Variants in NCKAP5 observed in about 807,000 individuals in gnomAD.
NCKAP5 encodes the protein NCK associated protein 5, also known as nck-associated protein 5.
In NCKAP5, 92 loss-of-function variants were observed where a neutral mutation model predicts 167.0. The ratio of observed to expected loss-of-function variants is 0.55; its 90% CI spans 0.47 to 0.66. The LOEUF (loss-of-function observed/expected upper bound fraction) is 0.66, where lower values mean the gene tolerates loss of function less well. NCKAP5 is among the 30% of genes least tolerant of loss of function. The pLI is 0.00. For missense variants in NCKAP5, 2,378 were observed against 2,315.0 expected, an observed-to-expected ratio of 1.03 and a Z score of -0.56; for synonymous variants, 891 against 877.4, an observed-to-expected ratio of 1.02 and a Z score of -0.27.
At chr2:133,420,077 A>G (rs992700040) in intron 3 of NCKAP5, among the ~76,000 whole-genome samples, 5 of 152,214 alleles carry the variant, frequency 3.3e-5, no homozygotes, top group Admixed American at 2.6e-4. Context: ...GTGTTTTCTA[A>G]TATCTTTTAG....
chr2:132,761,556 TTTATA>T (rs1338712288), intron 16 of NCKAP5, among the ~76,000 whole-genome samples: 1 of 152,242 alleles, frequency 6.6e-6, no homozygotes, highest in Non-Finnish European at 1.5e-5. Context: ...TACGTATAAT[TTTATA>T]TTATATCCTA....
chr2:132,713,122 T>C (rs1252376437), intron 19 of NCKAP5, among the ~76,000 whole-genome samples: 1 of 151,702 alleles, frequency 6.6e-6, no homozygotes, highest in Non-Finnish European at 1.5e-5. Context: ...CATTTTTTGC[T>C]TTGTTCAATG....
At chr2:133,674,641 CA>C in the NCKAP5 span, among the ~76,000 whole-genome samples, 15 of 146,212 alleles carry the variant, frequency 1.0e-4, no homozygotes, top group Admixed American at 6.1e-4. Context: ...ATTCAAGGAA[CA>C]AAAAAAAAAG....
Position 132,878,840 on chromosome 2 carries a change from C to T in NCKAP5, c.648+8G>A. The T allele has an allele frequency of 6.2e-7, 1 of 1,610,400 alleles. No homozygotes were observed. The highest frequency in any genetic ancestry group is 1.1e-5 in the South Asian group (1 of 91,008). ...GCCTTGGATCAGGAGCCTCTCCATCCCCCTTACCTCATCAAGACATCGCTC... is the reference window on the plus strand; with the variant it reads ...GCCTTGGATCAGGAGCCTCTCCATCTCCCTTACCTCATCAAGACATCGCTC... On this transcript the variant is annotated splice_region_variant and intron_variant, in intron 9 of 19. Coordinates refer to ENST00000409261, the MANE Select transcript of NCKAP5 (RefSeq NM_207363.3).
At chr2:132,926,275 C>A (rs938805919) in intron 8 of NCKAP5, 1 of 226,340 alleles carries the variant, frequency 4.4e-6, no homozygotes, top group Non-Finnish European at 9.8e-6. Flanking sequence ...ACCACGTTTT[C>A]TTTATCCACT....
In NCKAP5 at chr2:133,132,516, C is replaced by A. The variant is rs79276592; in HGVS notation, c.208-2405G>T. 1.1e-3 allele frequency among the ~76,000 whole-genome samples: 159 copies of A among 146,494 alleles called. 1 individual carries two copies. Among genetic ancestry groups the A allele is most frequent in the East Asian group, 4.9e-3 (24 of 4,910 alleles). ...ACACACACACACACACACACACACA[C>A]AAACCCTGATAACACAGAGAAAATT... On this transcript the variant is annotated intron_variant, in intron 5 of 19. Transcript: ENST00000409261.
intron 8 of NCKAP5, among the ~76,000 whole-genome samples, chr2:132,895,299 C>T (rs897812509): frequency 6.7e-6 from 1 of 149,320 alleles, no homozygotes; most frequent in Non-Finnish European, 1.5e-5. Context: ...TCACTGCACT[C>T]CAGCCTGGAG....
the NCKAP5 span, among the ~76,000 whole-genome samples, chr2:133,643,518 A>G: frequency 6.6e-6 from 1 of 152,076 alleles, no homozygotes; most frequent in African/African-American, 2.4e-5. Context: ...CATCCAGGCT[A>G]TATCTTCTAA....
the NCKAP5 span, among the ~76,000 whole-genome samples, chr2:133,610,337 G>T: frequency 6.6e-6 from 1 of 152,188 alleles, no homozygotes; most frequent in Admixed American, 6.5e-5. Flanking sequence ...AGATGAATTG[G>T]AGCTGTATCT....
intron 5 of NCKAP5, among the ~76,000 whole-genome samples, chr2:133,168,568 A>G (rs16857911): frequency 0.14 from 21,388 of 151,882 alleles, 1,683 homozygotes; most frequent in East Asian, 0.39. Flanking sequence ...TTGACTTTCT[A>G]GAGAGCCCAC....
chr2:133,339,744 G>A (rs1683450172), intron 3 of NCKAP5, among the ~76,000 whole-genome samples: 1 of 152,210 alleles, frequency 6.6e-6, no homozygotes, highest in Non-Finnish European at 1.5e-5. Context: ...TGCTATGCAT[G>A]TTAACTTTGG....
At chr2:132,750,908 G>C (rs1680054404) in intron 16 of NCKAP5, among the ~76,000 whole-genome samples, 1 of 152,230 alleles carries the variant, frequency 6.6e-6, no homozygotes, top group Non-Finnish European at 1.5e-5. Context: ...AGACTGAGCA[G>C]GTCTCCCTGT....
At chr2:133,038,435 G>A (rs1193492925) in intron 6 of NCKAP5, among the ~76,000 whole-genome samples, 2 of 152,112 alleles carry the variant, frequency 1.3e-5, no homozygotes, top group Non-Finnish European at 2.9e-5. Flanking sequence ...TTGAACTCAT[G>A]GACATAGAGA....
upstream of NCKAP5, among the ~76,000 whole-genome samples, chr2:133,571,772 C>G (rs1688875184): frequency 6.6e-6 from 1 of 152,152 alleles, no homozygotes; most frequent in African/African-American, 2.4e-5. Context: ...ATCACAGGCA[C>G]AGTTTCTACC....
At chr2:132,838,180 C>T (rs781065924) in intron 11 of NCKAP5, among the ~76,000 whole-genome samples, 1 of 152,136 alleles carries the variant, frequency 6.6e-6, no homozygotes, top group African/African-American at 2.4e-5. Context: ...CTGCTCTCTC[C>T]GTGGCACCTG....
chr2:132,868,051 A>T (rs150973000), intron 10 of NCKAP5, among the ~76,000 whole-genome samples: 1 of 152,224 alleles, frequency 6.6e-6, no homozygotes, highest in Admixed American at 6.5e-5. Context: ...CATGAGCAGC[A>T]GTCAACCCCT....
chr2:132,823,271 A>G (rs915206669), intron 11 of NCKAP5, among the ~76,000 whole-genome samples: 4 of 152,140 alleles, frequency 2.6e-5, no homozygotes, highest in African/African-American at 9.7e-5. Context: ...AAGTCAAAAC[A>G]AGGGAAAGTA....
At chr2:132,716,610 G>A (rs1407950029) in intron 19 of NCKAP5, among the ~76,000 whole-genome samples, 2 of 152,000 alleles carry the variant, frequency 1.3e-5, no homozygotes, top group African/African-American at 4.8e-5. Context: ...GTGGTAATGG[G>A]AGGGAATGTC....
At chr2:133,096,791 G>A (rs781486968) in intron 6 of NCKAP5, among the ~76,000 whole-genome samples, 3 of 152,098 alleles carry the variant, frequency 2.0e-5, no homozygotes, top group Non-Finnish European at 4.4e-5. Context: ...GGTACTAGTC[G>A]CTAATGAATG....
Sources: gnomAD v4.1 joint callset for allele counts (sites outside exome capture counted in the v4.1 genomes callset) on GRCh38, gnomAD v4.1.1 for gene constraint, MANE v1.5 for transcripts, NCBI Gene and HGNC (gene_info 2026-07-23, HGNC 2026-07-21) for gene names.